The following GAPVD1 variants were observed in gnomAD, a reference collection of about 807,000 sequenced individuals.
GAPVD1 encodes GTPase activating protein and VPS9 domains 1, also known as GTPase-activating protein and VPS9 domain-containing protein 1.
In GAPVD1, 35 loss-of-function variants were observed where a neutral mutation model predicts 155.5. That is an observed-to-expected ratio of 0.23 (90% CI 0.17 to 0.30). The LOEUF is 0.30. Ranked by LOEUF, GAPVD1 falls within the 10% of genes least tolerant of loss-of-function variation. The pLI, the probability that GAPVD1 is intolerant of heterozygous loss-of-function variation, is 1.00. For synonymous variants in GAPVD1, 636 were observed against 619.7 expected, an observed-to-expected ratio of 1.03 and a Z score of -0.39; for missense variants, 1,429 against 1,775.7, an observed-to-expected ratio of 0.80 and a Z score of 3.51.
At chr9:125,343,773 A>T (rs983044664) in intron 19 of GAPVD1, among the ~76,000 whole-genome samples, 1 of 152,252 alleles carries the variant, frequency 6.6e-6, no homozygotes, top group African/African-American at 2.4e-5. Context: ...GATTGGGAAG[A>T]GCTGGAAAGA....
chr9:125,301,966 T>C lies in GAPVD1; in HGVS notation c.186-17T>C. On this transcript the variant is annotated splice_polypyrimidine_tract_variant and intron_variant, in intron 4 of 27. Transcript: ENST00000297933. Reference sequence around the variant, plus strand: ...ACTATTATTTTGCTTGTTTGCTCTTTTTTTTTTTTTTTTTAGTGCTGAAGC... The same window carrying C: ...ACTATTATTTTGCTTGTTTGCTCTTCTTTTTTTTTTTTTTAGTGCTGAAGC... 1 of 815,986 alleles carries C rather than the reference T, an allele frequency of 1.2e-6. No individual in the cohort carries two copies. Among genetic ancestry groups the C allele is most frequent in the Non-Finnish European group, 1.6e-6 (1 of 614,800 alleles). The allele number at this position is 815,986 out of a possible 1,614,324, so 50.5% of individuals were successfully genotyped here. A position where few individuals can be genotyped will look rare whatever the true frequency, so the allele number is the denominator to read the frequency against.
intron 2 of GAPVD1, among the ~76,000 whole-genome samples, chr9:125,283,067 T>C (rs1383587261): frequency 6.7e-5 from 10 of 150,288 alleles, no homozygotes; most frequent in Non-Finnish European, 1.3e-4. Context: ...TTTATTTATT[T>C]ATTTATGTTT....
In GAPVD1 at chr9:125,304,974, A is replaced by G. The variant is rs182562760; in HGVS notation, c.1030-89A>G. On this transcript the variant is annotated intron_variant, in intron 5 of 27. Transcript: ENST00000297933. The stretch of plus-strand genomic sequence containing the variant: ...ATAGTATTATGAAACAGATTTTTAG[A>G]ACAGAATAGACGTGCTTGCTTTCAT... The G allele has an allele frequency of 1.2e-4, 97 of 810,682 alleles. No individual in the cohort carries two copies. The East Asian group carries it at 2.5e-3, about 20-fold the overall frequency. 50.2% of individuals were successfully genotyped at this position (810,682 alleles called of 1,614,324 possible). A position where few individuals can be genotyped will look rare whatever the true frequency, so the allele number is the denominator to read the frequency against.
chr9:125,307,185 G>C (rs984190239), intron 6 of GAPVD1, among the ~76,000 whole-genome samples: 4 of 151,532 alleles, frequency 2.6e-5, no homozygotes, highest in Admixed American at 6.6e-5. Context: ...GAATCACAGT[G>C]GGGGAGGAGG....
At chr9:125,360,820 C>A in intron 27 of GAPVD1, 95 bp downstream of exon 27, 1 of 881,978 alleles carries the variant, frequency 1.1e-6, no homozygotes, top group Non-Finnish European at 1.8e-6. Flanking sequence ...GGCTCTTTTC[C>A]AAGTCACAAG....
intron 5 of GAPVD1, among the ~76,000 whole-genome samples, chr9:125,303,592 C>A (rs1214004657): frequency 6.6e-6 from 1 of 151,614 alleles, no homozygotes; most frequent in East Asian, 2.0e-4. Context: ...ACCTGACCAA[C>A]ATGGAGAAAC....
intron 1 of GAPVD1, chr9:125,264,231 G>T: frequency 1.7e-6 from 1 of 591,252 alleles, no homozygotes; most frequent in Non-Finnish European, 3.1e-6. Context: ...GTCTGGCTCT[G>T]TTGCCTAGGC....
intron 2 of GAPVD1, 75 bp from the exon 3 acceptor site, chr9:125,295,383 G>C (rs1016452378): frequency 6.7e-6 from 1 of 148,550 alleles, no homozygotes; most frequent in African/African-American, 2.5e-5. Flanking sequence ...TAGAAAAGCA[G>C]AACAAATTGG....
intron 15 of GAPVD1, among the ~76,000 whole-genome samples, chr9:125,335,947 G>C (rs1331424879): frequency 6.6e-6 from 1 of 151,922 alleles, no homozygotes. Context: ...GAGCCTAGGA[G>C]TTCAAGACCA....
At chr9:125,342,185 A>G (rs1847923433) in intron 18 of GAPVD1, 34 bp from the exon 19 acceptor site, 2 of 1,044,534 alleles carry the variant, frequency 1.9e-6, no homozygotes, top group Middle Eastern at 2.0e-4. Flanking sequence ...GCAGTATGTT[A>G]TATGTCACAC....
chr9:125,323,750 C>T, intron 10 of GAPVD1, 48 bp from the exon 11 acceptor site: 1 of 1,601,474 alleles, frequency 6.2e-7, no homozygotes, highest in South Asian at 1.1e-5. Flanking sequence ...TGTGTGGTGG[C>T]TCATGACTGT....
intron 2 of GAPVD1, among the ~76,000 whole-genome samples, chr9:125,274,035 T>C (rs1835349408): frequency 6.6e-6 from 1 of 152,072 alleles, no homozygotes; most frequent in Non-Finnish European, 1.5e-5. Flanking sequence ...GCTCCGTCAC[T>C]TGAGCTCAGG....
intron 12 of GAPVD1, among the ~76,000 whole-genome samples, chr9:125,327,567 G>A (rs544006399): frequency 7.9e-5 from 12 of 151,960 alleles, no homozygotes; most frequent in East Asian, 3.9e-4. Flanking sequence ...GCAGTGGTGC[G>A]ATCTCAGCTC....
In GAPVD1 at chr9:125,346,824, C is replaced by G; in HGVS notation, c.3052C>G (p.Pro1018Ala). The G allele has an allele frequency of 6.2e-7, 1 of 1,613,652 alleles. No individual in the cohort carries two copies. The highest frequency in any genetic ancestry group is 1.1e-5 in the South Asian group (1 of 91,074). Reference sequence around the variant, plus strand: ...CACTCTCCTTTCCCTTGCAGATGATCCCAGCCCTAGACTCAGTGCACAAGC... The same window carrying G: ...CACTCTCCTTTCCCTTGCAGATGATGCCAGCCCTAGACTCAGTGCACAAGC... ...PDRFSTLTDDPSPRLSAQAQV... is the reference protein window; with the variant it reads ...PDRFSTLTDDASPRLSAQAQV... Residue 1018 changes from proline (P) to alanine (A), a missense_variant, in exon 20 of 28, where the codon CCC (proline) becomes GCC (alanine). Physicochemically the swap from Pro to Ala is conservative, Grantham distance 27 (BLOSUM62 -1). Around this residue, in one of 4 missense-constraint regions of GAPVD1, gnomAD observed 699 missense variants for 826.0 expected, o/e 0.85. Coordinates refer to ENST00000297933, the MANE Select transcript of GAPVD1 (RefSeq NM_001282680.3).
chr9:125,355,866 T>A lies in GAPVD1; in HGVS notation c.3971+9T>A, dbSNP rs189262617. 2.0e-6 allele frequency: 3 copies of A among 1,496,670 alleles called. No homozygotes were observed. The East Asian group carries it at 6.8e-5, about 34-fold the overall frequency. The allele number at this position is 1,496,670 out of a possible 1,614,324, so 92.7% of individuals were successfully genotyped here. A position where few individuals can be genotyped will look rare whatever the true frequency, so the allele number is the denominator to read the frequency against. On this transcript the variant is annotated intron_variant, in intron 25 of 27. Transcript: ENST00000297933. Reference sequence around the variant, plus strand: ...GACATACTTCGCGACCAGTAAGTACTTCTATGTTGAGTGCCTATGTGGAAC... The same window carrying A: ...GACATACTTCGCGACCAGTAAGTACATCTATGTTGAGTGCCTATGTGGAAC...
Position 125,299,052 on chromosome 9 carries a change from C to G in GAPVD1, c.131C>G (p.Thr44Arg). Residue 44 changes from threonine (T) to arginine (R), a missense_variant, in exon 4 of 28, where the codon ACA becomes AGA. Thr to Arg is a moderately conservative substitution (Grantham distance 71, BLOSUM62 -1). Transcript: ENST00000297933. ...AAGACAGCTGAAAAGTTGTATCGTA[C>G]AGCATGGATTGCGAAGCAACAGAGA... ...VLKTAEKLYR[T>R]AWIAKQQRIN... The G allele has an allele frequency of 6.2e-7, 1 of 1,608,568 alleles. No homozygotes were observed. The highest frequency in any genetic ancestry group is 8.5e-7 in the Non-Finnish European group (1 of 1,177,656).
intron 2 of GAPVD1, among the ~76,000 whole-genome samples, chr9:125,275,156 A>G (rs1835565580): frequency 6.7e-6 from 1 of 148,930 alleles, no homozygotes; most frequent in South Asian, 2.1e-4. Context: ...GCTCACTGCA[A>G]CCTCTGCCTC....
chr9:125,317,278 A>G (rs1410152531), intron 9 of GAPVD1, among the ~76,000 whole-genome samples: 3 of 150,218 alleles, frequency 2.0e-5, no homozygotes, highest in Admixed American at 1.3e-4. Flanking sequence ...AGATTGCGCC[A>G]TTGCACTCTA....
Position 125,337,439 on chromosome 9 carries a change from G to C in GAPVD1, c.2725G>C (p.Val909Leu), listed in dbSNP as rs545384112. Residue 909 changes from valine to leucine, a missense_variant, in exon 17 of 28, where the codon GTC becomes CTC. This residue lies in a region of GAPVD1 where 699 missense variants were observed against 826.0 expected (regional missense o/e 0.85). Transcript: ENST00000297933. ...RSRSSDIVSS[V>L]RRPMSDPSWN... Reference sequence around the variant, plus strand: ...CAGGAGCTCTGATATAGTATCTTCTGTCCGGAGACCCATGAGTGACCCCAG... The same window carrying C: ...CAGGAGCTCTGATATAGTATCTTCTCTCCGGAGACCCATGAGTGACCCCAG... 5.0e-5 allele frequency: 80 copies of C among 1,614,062 alleles called. No homozygotes were observed. Among genetic ancestry groups the C allele is most frequent in the Non-Finnish European group, 6.6e-5 (78 of 1,180,022 alleles).
Sources: gnomAD v4.1 joint callset for allele counts (sites outside exome capture counted in the v4.1 genomes callset) on GRCh38, gnomAD v4.1.1 for gene constraint, gnomAD v4.1.1 regional missense constraint, MANE v1.5 for transcripts, NCBI Gene and HGNC (gene_info 2026-07-23, HGNC 2026-07-21) for gene names.